HMBOX1: variants seen among roughly 807,000 people sequenced by gnomAD.
HMBOX1 encodes the protein homeobox-containing protein 1.
HMBOX1 carries 14 observed loss-of-function variants against 54.5 expected under a neutral mutation model. The observed-to-expected ratio is 0.26, with a 90% CI of 0.17 to 0.40. The LOEUF is 0.40. HMBOX1 is among the 10% of genes least tolerant of loss of function. The probability of loss-of-function intolerance (pLI) is 1.00; values close to 1 mark genes in which losing one functional copy is unlikely to be tolerated. For missense variants in HMBOX1, 332 were observed against 514.4 expected (o/e 0.65, Z 3.43); for synonymous variants, 160 against 181.0 (o/e 0.88, Z 0.93).
intron 1 of HMBOX1, among the ~76,000 whole-genome samples, chr8:28,927,755 T>A (rs1332188938): frequency 1.3e-5 from 2 of 150,776 alleles, no homozygotes; most frequent in Non-Finnish European, 3.0e-5. Flanking sequence ...TACTACTCAT[T>A]TTGGGAGGCC....
chr8:28,910,117 TTG>T (rs1815131080), intron 1 of HMBOX1, among the ~76,000 whole-genome samples: 1 of 152,222 alleles, frequency 6.6e-6, no homozygotes, highest in Non-Finnish European at 1.5e-5. Flanking sequence ...AAAATACCTT[TTG>T]TGTTTACAGA....
At chr8:28,992,334 C>T (rs1221676791) in intron 4 of HMBOX1, among the ~76,000 whole-genome samples, 2 of 152,078 alleles carry the variant, frequency 1.3e-5, no homozygotes, top group African/African-American at 4.8e-5. Context: ...TAGTAAATGC[C>T]ATAGAAGTTT....
intron 4 of HMBOX1, among the ~76,000 whole-genome samples, chr8:28,982,529 A>G (rs888983254): frequency 2.0e-5 from 3 of 152,004 alleles, no homozygotes; most frequent in Non-Finnish European, 2.9e-5. Flanking sequence ...GGCTCATTGC[A>G]GCGTCCACCT....
In HMBOX1 at chr8:29,052,760, C is replaced by A. The variant is rs902177801; in HGVS notation, c.*1605C>A. On this transcript the variant is annotated 3_prime_UTR_variant, in exon 10 of 10. Transcript: ENST00000287701. ...GCCTTCAATGTAGCAGCACAGGGTGCGCCTGAAAGAGGCACAACTGCTGTG... is the reference window on the plus strand; with the variant it reads ...GCCTTCAATGTAGCAGCACAGGGTGAGCCTGAAAGAGGCACAACTGCTGTG... The A allele has an allele frequency of 6.6e-6, 1 of 152,158 alleles. No homozygotes were observed. Among genetic ancestry groups the A allele is most frequent in the African/African-American group, 2.4e-5 (1 of 41,436 alleles). 9.4% of individuals were successfully genotyped at this position (152,158 alleles called of 1,614,324 possible). A position where few individuals can be genotyped will look rare whatever the true frequency, so the allele number is the denominator to read the frequency against.
intron 8 of HMBOX1, among the ~76,000 whole-genome samples, chr8:29,048,080 T>C (rs566014390): frequency 6.6e-6 from 1 of 152,352 alleles, no homozygotes; most frequent in African/African-American, 2.4e-5. Flanking sequence ...TTGTAAGATC[T>C]TGAGAAAGGG....
chr8:29,009,667 G>A, intron 5 of HMBOX1: 1 of 1,281,074 alleles, frequency 7.8e-7, no homozygotes, highest in Non-Finnish European at 1.0e-6. Context: ...GGTAATGGAT[G>A]TATCTTTGGA....
rs372681580 is a variant in HMBOX1 at position 29,018,761 on chromosome 8, C to T, written c.699C>T (p.Gly233=). 28 of 1,612,370 alleles carry T rather than the reference C, an allele frequency of 1.7e-5. No individual in the cohort carries two copies. Among genetic ancestry groups the T allele is most frequent in the South Asian group, 5.5e-5 (5 of 90,860 alleles). ...CTAAAAGTGTCTTGTTTATTTCAGGCGCTACACTAAGTATGAGACCAGCCC... is the reference window on the plus strand; with the variant it reads ...CTAAAAGTGTCTTGTTTATTTCAGGTGCTACACTAAGTATGAGACCAGCCC... The part of the protein sequence containing the change: ...RWYQLEKTNP[G]ATLSMRPAPI... The change falls in exon 6 of 10, where the codon GGC becomes GGT. Residue 233 remains glycine, a splice_region_variant and synonymous_variant. Coordinates refer to ENST00000287701, the MANE Select transcript of HMBOX1 (RefSeq NM_001135726.3).
At chr8:28,980,210 G>T (rs1349972421) in intron 4 of HMBOX1, 54 bp downstream of exon 4, 1 of 1,286,432 alleles carries the variant, frequency 7.8e-7, no homozygotes, top group Admixed American at 1.7e-5. Flanking sequence ...CTGCCTTCTG[G>T]TGCAGATGTT....
chr8:28,967,060 C>G (rs1472422992), intron 2 of HMBOX1, among the ~76,000 whole-genome samples: 1 of 152,184 alleles, frequency 6.6e-6, no homozygotes, highest in African/African-American at 2.4e-5. Context: ...CTCCCATGAA[C>G]TAGCTGCTTC....
intron 1 of HMBOX1, among the ~76,000 whole-genome samples, chr8:28,958,440 G>A (rs968363159): frequency 6.6e-6 from 1 of 152,036 alleles, no homozygotes; most frequent in African/African-American, 2.4e-5. Context: ...AAAGGATTTA[G>A]TGGGCTTCTC....
At chr8:28,938,464 G>T (rs1820763840) in intron 1 of HMBOX1, among the ~76,000 whole-genome samples, 1 of 151,992 alleles carries the variant, frequency 6.6e-6, no homozygotes, top group African/African-American at 2.4e-5. Context: ...TAAGAGACAG[G>T]GTCTTGCTCA....
chr8:29,030,772 A>G (rs1802834725), intron 6 of HMBOX1, among the ~76,000 whole-genome samples: 1 of 152,240 alleles, frequency 6.6e-6, no homozygotes, highest in Non-Finnish European at 1.5e-5. Flanking sequence ...AATCACGTCC[A>G]TAACTAAGCT....
chr8:28,980,204 C>T (rs1002524650), intron 4 of HMBOX1, 48 bp downstream of exon 4: 1 of 1,323,576 alleles, frequency 7.6e-7, no homozygotes, highest in African/African-American at 1.4e-5. Context: ...TAGTCTCTGC[C>T]TTCTGGTGCA....
chr8:28,980,318 C>T lies in HMBOX1; in HGVS notation c.586+162C>T, dbSNP rs186064703. On this transcript the variant is annotated intron_variant, in intron 4 of 9. Transcript: ENST00000287701. ...TAAAACCCATTGTCTCCAATATCGC[C>T]GAACTTCTCTAGTGATTTTTTTGAC... is the stretch of plus-strand genomic sequence containing the variant. 5.0e-4 allele frequency among the ~76,000 whole-genome samples: 76 copies of T among 152,252 alleles called. No homozygotes were observed. In the East Asian group the frequency reaches 8.1e-3, roughly 16 times the overall value.
intron 1 of HMBOX1, among the ~76,000 whole-genome samples, chr8:28,950,112 C>A (rs187953863): frequency 6.6e-6 from 1 of 152,274 alleles, no homozygotes; most frequent in African/African-American, 2.4e-5. Context: ...CTCGGAATGC[C>A]AGTATGTATG....
chr8:28,921,676 C>G (rs1817584368), intron 1 of HMBOX1, among the ~76,000 whole-genome samples: 2 of 152,188 alleles, frequency 1.3e-5, no homozygotes, highest in African/African-American at 4.8e-5. Context: ...TACACATCCT[C>G]ATTTGAAGTA....
intron 1 of HMBOX1, among the ~76,000 whole-genome samples, chr8:28,916,263 T>C (rs1239429123): frequency 6.6e-6 from 1 of 152,202 alleles, no homozygotes; most frequent in African/African-American, 2.4e-5. Context: ...GTTTCATTGT[T>C]TGTATTGGGC....
chr8:28,947,510 A>T (rs1822683400), intron 1 of HMBOX1, among the ~76,000 whole-genome samples: 1 of 152,198 alleles, frequency 6.6e-6, no homozygotes, highest in South Asian at 2.1e-4. Flanking sequence ...TTGACTGATG[A>T]TGCATCAAAG....
intron 4 of HMBOX1, among the ~76,000 whole-genome samples, chr8:29,003,555 A>AATAT (rs71222586): frequency 0.026 from 1,889 of 71,284 alleles, 200 homozygotes; most frequent in East Asian, 0.16. Flanking sequence ...TTCTGTATTA[A>AATAT]ATATATATAT....
Sources: allele counts gnomAD v4.1 joint callset (sites outside exome capture counted in the v4.1 genomes callset), GRCh38; gene constraint gnomAD v4.1.1; transcripts MANE v1.5; gene names NCBI Gene and HGNC (gene_info 2026-07-23, HGNC 2026-07-21).